ANKRD13C: variants seen among roughly 807,000 people sequenced by gnomAD.
The protein encoded by ANKRD13C is ankyrin repeat domain 13C, also known as ankyrin repeat domain-containing protein 13C.
A neutral mutation model predicts 65.5 loss-of-function variants in ANKRD13C; 16 were observed. That is an observed-to-expected ratio of 0.24 (90% CI 0.17 to 0.37). The LOEUF (loss-of-function observed/expected upper bound fraction) is 0.37. ANKRD13C is among the 10% of genes least tolerant of loss of function. The pLI, the probability that ANKRD13C is intolerant of heterozygous loss-of-function variation, is 1.00. For missense variants in ANKRD13C, 503 were observed against 655.9 expected, an observed-to-expected ratio of 0.77 and a Z score of 2.55; for synonymous variants, 235 against 238.7, an observed-to-expected ratio of 0.98 and a Z score of 0.14.
At chr1:70,345,572 T>TC (rs36037652) in intron 1 of ANKRD13C, among the ~76,000 whole-genome samples, 19,878 of 152,234 alleles carry the variant, frequency 0.13, 1,516 homozygotes, top group East Asian at 0.33. Context: ...CATGCATTGA[T>TC]ATTTGAAAAA....
chr1:70,291,266 C>T (rs1433773465), intron 9 of ANKRD13C, among the ~76,000 whole-genome samples: 2 of 152,164 alleles, frequency 1.3e-5, no homozygotes, highest in Admixed American at 6.5e-5. Flanking sequence ...GGTGATCCGC[C>T]CACCTTGGCC....
intron 11 of ANKRD13C, among the ~76,000 whole-genome samples, chr1:70,272,737 C>T (rs1678948120): frequency 6.6e-6 from 1 of 151,748 alleles, no homozygotes; most frequent in African/African-American, 2.4e-5. Flanking sequence ...ATCTGTAATC[C>T]CAGCACTTTA....
chr1:70,334,361 C>T (rs1295673543), intron 2 of ANKRD13C, among the ~76,000 whole-genome samples: 3 of 152,160 alleles, frequency 2.0e-5, no homozygotes, highest in African/African-American at 7.2e-5. Flanking sequence ...GGATCATACA[C>T]TTCATTTAAA....
At chr1:70,289,179 T>C (rs1007998274) in intron 9 of ANKRD13C, among the ~76,000 whole-genome samples, 1 of 152,228 alleles carries the variant, frequency 6.6e-6, no homozygotes, top group African/African-American at 2.4e-5. Context: ...AGCTTAATTA[T>C]TTAATTTAAG....
chr1:70,354,697 A>C lies in ANKRD13C; in HGVS notation c.-289T>G. The C allele has an allele frequency of 5.3e-6, 4 of 749,130 alleles. No homozygotes were observed. Among genetic ancestry groups the C allele is most frequent in the Non-Finnish European group, 8.4e-6 (4 of 474,418 alleles). The allele number at this position is 749,130 out of a possible 1,614,324, so 46.4% of individuals were successfully genotyped here. Reference sequence around the variant, plus strand: ...CCGTCGCTGCCTTACACCGAAAAACAGGGCACGGCCATCTTCCTCTTGCTC... The same window carrying C: ...CCGTCGCTGCCTTACACCGAAAAACCGGGCACGGCCATCTTCCTCTTGCTC... On this transcript the variant is annotated 5_prime_UTR_variant, in exon 1 of 13. Transcript: ENST00000370944.
chr1:70,314,157 C>T (rs1431552360), intron 4 of ANKRD13C, among the ~76,000 whole-genome samples: 1 of 151,576 alleles, frequency 6.6e-6, no homozygotes, highest in Non-Finnish European at 1.5e-5. Flanking sequence ...AAATATTTTT[C>T]TGTAAAGGGA....
At chr1:70,311,874 G>C (rs1429061340) in intron 5 of ANKRD13C, among the ~76,000 whole-genome samples, 2 of 152,154 alleles carry the variant, frequency 1.3e-5, no homozygotes, top group Non-Finnish European at 2.9e-5. Flanking sequence ...TACACAAGCT[G>C]TAATGTACAT....
At chr1:70,279,205 T>G (rs544584451) in intron 9 of ANKRD13C, among the ~76,000 whole-genome samples, 17 of 151,848 alleles carry the variant, frequency 1.1e-4, no homozygotes, top group Non-Finnish European at 1.9e-4. Flanking sequence ...TGACTCTGTC[T>G]CAAAAGAAAT....
At chr1:70,318,903 G>A (rs866898538) in intron 3 of ANKRD13C, among the ~76,000 whole-genome samples, 1 of 151,894 alleles carries the variant, frequency 6.6e-6, no homozygotes, top group Admixed American at 6.6e-5. Context: ...GGATGGTCTC[G>A]ATCTCTTGAC....
At chr1:70,272,231 C>CT (rs59343202) in intron 11 of ANKRD13C, among the ~76,000 whole-genome samples, 13,013 of 139,716 alleles carry the variant, frequency 0.093, 812 homozygotes, top group East Asian at 0.3. Flanking sequence ...TTCTCTATTT[C>CT]TTTTTTTTTT....
At chr1:70,336,358 C>G (rs1682022459) in intron 1 of ANKRD13C, among the ~76,000 whole-genome samples, 1 of 152,124 alleles carries the variant, frequency 6.6e-6, no homozygotes, top group Non-Finnish European at 1.5e-5. Flanking sequence ...TTCACAGATT[C>G]CTTTTGCTGC....
chr1:70,316,864 A>G (rs1419401760), intron 3 of ANKRD13C, among the ~76,000 whole-genome samples: 1 of 152,210 alleles, frequency 6.6e-6, no homozygotes, highest in African/African-American at 2.4e-5. Context: ...ATACATATAT[A>G]CACGCTAGTT....
intron 6 of ANKRD13C, among the ~76,000 whole-genome samples, chr1:70,304,978 G>A (rs533365573): frequency 1.3e-5 from 2 of 151,998 alleles, no homozygotes; most frequent in Non-Finnish European, 2.9e-5. Flanking sequence ...TAAAAAACAC[G>A]CTGGGTGTGA....
At chr1:70,304,997 A>G (rs1198761704) in intron 6 of ANKRD13C, among the ~76,000 whole-genome samples, 1 of 152,020 alleles carries the variant, frequency 6.6e-6, no homozygotes, top group Admixed American at 6.6e-5. Flanking sequence ...GATGGCTCAC[A>G]CTGTAATCCC....
chr1:70,262,759 A>G lies in ANKRD13C; in HGVS notation c.1584T>C (p.Pro528=). The G allele has an allele frequency of 1.2e-6, 2 of 1,613,582 alleles. No individual in the cohort carries two copies. Among genetic ancestry groups the G allele is most frequent in the Non-Finnish European group, 1.7e-6 (2 of 1,179,664 alleles). The stretch of plus-strand genomic sequence containing the variant: ...GGCTTGGGTCTTCCTTGTAGTCATC[A>G]GGTATAGTAAAGATGGAGCCATCAA... The part of the protein sequence containing the change: ...DEFDGSIFTI[P]DDYKEDPSRF... Residue 528 remains proline (P), a synonymous_variant, in exon 13 of 13, where the codon CCT becomes CCC. Coordinates refer to ENST00000370944, the MANE Select transcript of ANKRD13C (RefSeq NM_030816.5).
At chr1:70,276,873 G>T in intron 9 of ANKRD13C, 29 bp from the exon 10 acceptor site, 1 of 1,509,206 alleles carries the variant, frequency 6.6e-7, no homozygotes, top group South Asian at 1.2e-5. Context: ...AAAGAAAGTG[G>T]GGTGGGGGAG....
intron 7 of ANKRD13C, among the ~76,000 whole-genome samples, chr1:70,299,551 T>A (rs1268869908): frequency 6.6e-6 from 1 of 152,034 alleles, no homozygotes; most frequent in Non-Finnish European, 1.5e-5. Context: ...GTAGTGACAG[T>A]GTGAATAAAA....
At chr1:70,328,276 T>G (rs6692037) in intron 2 of ANKRD13C, among the ~76,000 whole-genome samples, 3,077 of 152,246 alleles carry the variant, frequency 0.02, 86 homozygotes, top group African/African-American at 0.07. Flanking sequence ...CAGAGTCATC[T>G]CAACAGGCTT....
chr1:70,273,217 C>CT (rs1359021922), intron 11 of ANKRD13C, among the ~76,000 whole-genome samples: 4 of 151,938 alleles, frequency 2.6e-5, no homozygotes, highest in Non-Finnish European at 4.4e-5. Context: ...TATGTATGTA[C>CT]TTTTTAAAAA....
Sources: allele counts gnomAD v4.1 joint callset (sites outside exome capture counted in the v4.1 genomes callset), GRCh38; gene constraint gnomAD v4.1.1; transcripts MANE v1.5; gene names NCBI Gene and HGNC (gene_info 2026-07-23, HGNC 2026-07-21).